KIF20B: variants seen among roughly 807,000 people sequenced by gnomAD.
KIF20B encodes kinesin-like protein KIF20B.
Under a neutral mutation model 232.5 loss-of-function variants are expected in KIF20B, and 188 were observed. That is an observed-to-expected ratio of 0.81 (90% CI 0.72 to 0.91). The LOEUF (loss-of-function observed/expected upper bound fraction) is 0.91. Ranked by LOEUF, KIF20B falls within the 40% of genes least tolerant of loss-of-function variation. The probability of loss-of-function intolerance (pLI) is 0.00; values close to 1 mark genes in which losing one functional copy is unlikely to be tolerated. For missense variants in KIF20B, 2,154 were observed against 2,055.9 expected, an observed-to-expected ratio of 1.05 and a Z score of -0.92; for synonymous variants, 712 against 683.0, an observed-to-expected ratio of 1.04 and a Z score of -0.66.
At chr10:89,716,394 T>C in intron 8 of KIF20B, 42 bp from the exon 9 acceptor site, 1 of 843,138 alleles carries the variant, frequency 1.2e-6, no homozygotes, top group Non-Finnish European at 1.9e-6. Flanking sequence ...AACACATTCT[T>C]TGTCTCAATA....
At chr10:89,704,178 A>T (rs1442780690) in intron 1 of KIF20B, among the ~76,000 whole-genome samples, 1 of 152,168 alleles carries the variant, frequency 6.6e-6, no homozygotes, top group African/African-American at 2.4e-5. Context: ...TCTTTGGTTC[A>T]TTTTATATAA....
intron 26 of KIF20B, among the ~76,000 whole-genome samples, chr10:89,756,502 C>T (rs1204342358): frequency 6.6e-6 from 1 of 152,124 alleles, no homozygotes; most frequent in East Asian, 1.9e-4. Context: ...GTGTATGTGT[C>T]TGCCATACTT....
chr10:89,772,549 C>A, intron 31 of KIF20B, 140 bp from the exon 32 acceptor site: 1 of 482,500 alleles, frequency 2.1e-6, no homozygotes, highest in Non-Finnish European at 3.7e-6. Flanking sequence ...TGCCCTTTCA[C>A]CATATATATA....
intron 30 of KIF20B, 59 bp from the exon 31 acceptor site, chr10:89,768,679 A>AT: frequency 1.4e-6 from 2 of 1,464,368 alleles, no homozygotes; most frequent in South Asian, 2.7e-5. Flanking sequence ...AGCTGTGGCC[A>AT]TAACTATTTC....
chr10:89,738,047 A>C lies in KIF20B; in HGVS notation c.3206A>C (p.Lys1069Thr). ...AIWEECKEIV[K>T]ASSKKSHQIE... ...TGGGAAGAATGTAAAGAGATTGTGA[A>C]GGCCTCTTCCAAAAAAAGTCATCAG... is the stretch of plus-strand genomic sequence containing the variant. Residue 1069 changes from lysine (K) to threonine (T), a missense_variant, in exon 20 of 33, where the codon AAG becomes ACG. Coordinates refer to ENST00000371728, the MANE Select transcript of KIF20B (RefSeq NM_001284259.2). The C allele has an allele frequency of 1.2e-6, 2 of 1,613,478 alleles. No homozygotes were observed. Among genetic ancestry groups the C allele is most frequent in the Admixed American group, 3.3e-5 (2 of 60,002 alleles).
chr10:89,771,782 G>T (rs1842468435), intron 31 of KIF20B, among the ~76,000 whole-genome samples: 1 of 151,950 alleles, frequency 6.6e-6, no homozygotes, highest in South Asian at 2.1e-4. Context: ...CTGCCTGGGT[G>T]GTAAAATGAC....
intron 19 of KIF20B, among the ~76,000 whole-genome samples, chr10:89,734,306 G>A (rs1027013339): frequency 1.3e-5 from 2 of 152,152 alleles, no homozygotes; most frequent in Admixed American, 6.5e-5. Flanking sequence ...AGCTACTTGG[G>A]AAGCTGAGGC....
intron 2 of KIF20B, among the ~76,000 whole-genome samples, chr10:89,707,685 C>G (rs1213283091): frequency 6.6e-6 from 1 of 151,724 alleles, no homozygotes; most frequent in Non-Finnish European, 1.5e-5. Context: ...CAGCTAGAAC[C>G]TTTAATACAA....
chr10:89,719,373 GTTC>G (rs1247680361), intron 12 of KIF20B, 43 bp from the exon 13 acceptor site: 2 of 1,344,226 alleles, frequency 1.5e-6, no homozygotes, highest in Non-Finnish European at 2.0e-6. Flanking sequence ...CTAGTGGACA[GTTC>G]TTGTCTTTTC....
intron 1 of KIF20B, among the ~76,000 whole-genome samples, chr10:89,702,746 T>TAA (rs1267401359): frequency 7.1e-6 from 1 of 141,014 alleles, no homozygotes; most frequent in East Asian, 2.2e-4. Context: ...TATTACAGAC[T>TAA]AGGACCGACT....
At chr10:89,751,544 T>G in intron 24 of KIF20B, 73 bp downstream of exon 24, 1 of 1,390,342 alleles carries the variant, frequency 7.2e-7, no homozygotes. Context: ...ATTTCTTCCC[T>G]TGTTAAAGTA....
At chr10:89,706,236 C>T (rs746641668) in intron 2 of KIF20B, among the ~76,000 whole-genome samples, 38 of 152,098 alleles carry the variant, frequency 2.5e-4, no homozygotes, top group Non-Finnish European at 3.8e-4. Flanking sequence ...TTCTAATGAG[C>T]ACTCTTTCAA....
intron 2 of KIF20B, among the ~76,000 whole-genome samples, chr10:89,707,314 C>T (rs569002822): frequency 1.3e-5 from 2 of 152,240 alleles, no homozygotes; most frequent in East Asian, 3.9e-4. Flanking sequence ...TTCCTTGAGG[C>T]TCCTTGTAAG....
intron 20 of KIF20B, 80 bp from the exon 21 acceptor site, chr10:89,738,878 A>G: frequency 7.0e-7 from 1 of 1,427,148 alleles, no homozygotes; most frequent in Non-Finnish European, 9.4e-7. Context: ...ATAATTTTGT[A>G]AAGATTGTTA....
chr10:89,748,560 G>C lies in KIF20B; in HGVS notation c.4096+2601G>C, dbSNP rs554171992. Reference sequence around the variant, plus strand: ...ACTTATACATTGGTGGGGTTAACTTGGATGGGTAACTTGGATGTGAAAATA... The same window carrying C: ...ACTTATACATTGGTGGGGTTAACTTCGATGGGTAACTTGGATGTGAAAATA... On this transcript the variant is annotated intron_variant, in intron 23 of 32. Coordinates refer to ENST00000371728, the MANE Select transcript of KIF20B (RefSeq NM_001284259.2). Among the ~76,000 whole-genome samples, 5 of 152,286 alleles carry C rather than the reference G, an allele frequency of 3.3e-5. No individual in the cohort carries two copies. In the East Asian group the frequency reaches 9.7e-4, roughly 29 times the overall value.
At chr10:89,726,149 GGAGTT>G (rs1843182490) in intron 15 of KIF20B, 139 bp from the exon 16 acceptor site, 1 of 1,061,150 alleles carries the variant, frequency 9.4e-7, no homozygotes, top group Non-Finnish European at 1.2e-6. Context: ...TTTCATAATT[GGAGTT>G]GCTTCTATAT....
chr10:89,710,067 T>A lies in KIF20B; in HGVS notation c.490+2T>A, dbSNP rs764627008. The A allele has an allele frequency of 2.5e-6, 4 of 1,595,962 alleles. No individual in the cohort carries two copies. Among genetic ancestry groups the A allele is most frequent in the Non-Finnish European group, 3.4e-6 (4 of 1,174,724 alleles). ...CAGGAAAAACATATACATTTCAAGG[T>A]AAATATTGTTTTATTTTGGTTGGAA... is the stretch of plus-strand genomic sequence containing the variant. On this transcript the variant is annotated splice_donor_variant, in intron 5 of 32. Coordinates refer to ENST00000371728, the MANE Select transcript of KIF20B (RefSeq NM_001284259.2). LOFTEE classifies it high-confidence loss of function.
At chr10:89,719,282 T>G (rs1842998493) in intron 12 of KIF20B, 137 bp from the exon 13 acceptor site, 17 of 610,816 alleles carry the variant, frequency 2.8e-5, no homozygotes, top group Non-Finnish European at 4.3e-5. Flanking sequence ...GGATGGTGAT[T>G]CCTGTTTGTA....
intron 31 of KIF20B, among the ~76,000 whole-genome samples, chr10:89,771,475 C>T (rs1051139532): frequency 6.6e-6 from 1 of 151,996 alleles, no homozygotes; most frequent in African/African-American, 2.4e-5. Context: ...AGCTTCCCTT[C>T]CTACACCAGA....
Sources: gnomAD v4.1 joint callset for allele counts (sites outside exome capture counted in the v4.1 genomes callset) on GRCh38, gnomAD v4.1.1 for gene constraint, MANE v1.5 for transcripts, NCBI Gene and HGNC (gene_info 2026-07-23, HGNC 2026-07-21) for gene names.